The following POFUT3 variants were observed in gnomAD, a reference collection of about 807,000 sequenced individuals.
POFUT3 encodes GDP-fucose protein O-fucosyltransferase 3.
chr8:33,452,452 T>C, the POFUT3 span: 15 of 152,152 alleles, frequency 9.9e-5, no homozygotes, highest in Non-Finnish European at 1.9e-4. Context: ...GAACAATCCA[T>C]GTATATATGT....
At chr8:33,452,504 G>A in the POFUT3 span, 4 of 152,004 alleles carry the variant, frequency 2.6e-5, no homozygotes, top group African/African-American at 4.8e-5. Context: ...GAATTACTAA[G>A]TATGAATTCA....
the POFUT3 span, among the ~76,000 whole-genome samples, chr8:33,441,247 C>T: frequency 6.7e-6 from 1 of 150,030 alleles, no homozygotes; most frequent in Non-Finnish European, 1.5e-5. Flanking sequence ...AGGAGAATCG[C>T]TTGAACCCGG....
chr8:33,437,168 T>C, the POFUT3 span, among the ~76,000 whole-genome samples: 1 of 152,184 alleles, frequency 6.6e-6, no homozygotes, highest in African/African-American at 2.4e-5. Flanking sequence ...CCTCCATTGA[T>C]GGGCACTTGG....
At chr8:33,325,520 C>A in the POFUT3 span, among the ~76,000 whole-genome samples, 1 of 152,282 alleles carries the variant, frequency 6.6e-6, no homozygotes, top group Admixed American at 6.5e-5. Context: ...TCTCAGCTCA[C>A]TGAAATGTAA....
chr8:33,432,055 T>C, the POFUT3 span, among the ~76,000 whole-genome samples: 1 of 151,992 alleles, frequency 6.6e-6, no homozygotes, highest in African/African-American at 2.4e-5. Flanking sequence ...TGGGCAGATT[T>C]CTTGAGCCTA....
At chr8:33,329,545 C>T in the POFUT3 span, among the ~76,000 whole-genome samples, 40,498 of 152,084 alleles carry the variant, frequency 0.27, 5,814 homozygotes, top group South Asian at 0.5. Flanking sequence ...CACAACTGCT[C>T]AATACTGCAA....
the POFUT3 span, among the ~76,000 whole-genome samples, chr8:33,446,968 C>T: frequency 3.3e-5 from 5 of 152,096 alleles, no homozygotes; most frequent in Non-Finnish European, 7.4e-5. Flanking sequence ...CTGAGAAATC[C>T]CGAAGCATCC....
chr8:33,367,769 A>G, the POFUT3 span, among the ~76,000 whole-genome samples: 2 of 152,222 alleles, frequency 1.3e-5, no homozygotes, highest in South Asian at 2.1e-4. Flanking sequence ...CTCCATTTAT[A>G]TAAGAAGCAA....
At chr8:33,340,181 G>A in the POFUT3 span, among the ~76,000 whole-genome samples, 2 of 151,896 alleles carry the variant, frequency 1.3e-5, no homozygotes, top group Admixed American at 6.6e-5. Flanking sequence ...TGTAAAGTTC[G>A]TGTATATGTG....
chr8:33,411,959 C>A, the POFUT3 span, among the ~76,000 whole-genome samples: 1 of 152,156 alleles, frequency 6.6e-6, no homozygotes, highest in Non-Finnish European at 1.5e-5. Context: ...AGGGGTTCAC[C>A]ATTCACAGCT....
chr8:33,351,191 G>A, the POFUT3 span, among the ~76,000 whole-genome samples: 1 of 152,112 alleles, frequency 6.6e-6, no homozygotes, highest in African/African-American at 2.4e-5. Context: ...CTGACCTCAG[G>A]TGATCCACCC....
the POFUT3 span, among the ~76,000 whole-genome samples, chr8:33,335,897 G>C: frequency 3.3e-3 from 504 of 152,236 alleles, 2 homozygotes; most frequent in African/African-American, 0.012. Flanking sequence ...AGGAATAAGA[G>C]GGGTTGGTCT....
chr8:33,415,429 C>T, the POFUT3 span, among the ~76,000 whole-genome samples: 4 of 152,062 alleles, frequency 2.6e-5, no homozygotes, highest in African/African-American at 4.8e-5. Context: ...CCAGGGGACA[C>T]TTGGAAAGTG....
the POFUT3 span, among the ~76,000 whole-genome samples, chr8:33,414,061 G>A: frequency 6.6e-6 from 1 of 151,944 alleles, no homozygotes; most frequent in Non-Finnish European, 1.5e-5. Context: ...GCAGGGAAGG[G>A]CTTCTTATCT....
chr8:33,446,595 G>C, the POFUT3 span, among the ~76,000 whole-genome samples: 54 of 152,204 alleles, frequency 3.5e-4, no homozygotes, highest in Non-Finnish European at 5.4e-4. Flanking sequence ...TTCTTGGATG[G>C]TCCATTGCTC....
chr8:33,457,306 G>A, the POFUT3 span, among the ~76,000 whole-genome samples: 1 of 151,992 alleles, frequency 6.6e-6, no homozygotes. Context: ...AAAATTAGCT[G>A]GGCATGGTGG....
At chr8:33,335,149 A>ATGTGTGTGTGTG in the POFUT3 span, among the ~76,000 whole-genome samples, 23 of 110,620 alleles carry the variant, frequency 2.1e-4, no homozygotes, top group East Asian at 3.7e-4. Context: ...AAAAAGAAAT[A>ATGTGTGTGTGTG]TATGTGTGTG....
the POFUT3 span, among the ~76,000 whole-genome samples, chr8:33,315,588 C>A: frequency 6.6e-6 from 1 of 151,824 alleles, no homozygotes; most frequent in South Asian, 2.1e-4. Flanking sequence ...GACATGGAGA[C>A]AACCAATCTG....
At chr8:33,381,905 G>A in the POFUT3 span, among the ~76,000 whole-genome samples, 1 of 152,140 alleles carries the variant, frequency 6.6e-6, no homozygotes, top group African/African-American at 2.4e-5. Flanking sequence ...CCTATGACAA[G>A]GGACCATGTC....
Sources: gnomAD v4.1 joint callset for allele counts (sites outside exome capture counted in the v4.1 genomes callset) on GRCh38, gnomAD v4.1.1 for gene constraint, MANE v1.5 for transcripts, NCBI Gene and HGNC (gene_info 2026-07-23, HGNC 2026-07-21) for gene names.